Variants in ERCC6L2 observed in about 807,000 individuals in gnomAD.
The protein encoded by ERCC6L2 is ERCC excision repair 6 like 2, also known as DNA excision repair protein ERCC-6-like 2.
Under a neutral mutation model 132.0 loss-of-function variants are expected in ERCC6L2, and 77 were observed. That is an observed-to-expected ratio of 0.58 (90% CI 0.49 to 0.71). ERCC6L2 has a LOEUF of 0.71. Ranked by LOEUF, ERCC6L2 falls within the 30% of genes least tolerant of loss-of-function variation. ERCC6L2 has a pLI of 0.00. For missense variants in ERCC6L2, 1,542 were observed against 1,837.6 expected (o/e 0.84, Z 2.94); for synonymous variants, 583 against 632.4 (o/e 0.92, Z 1.17).
At chr9:95,904,056 G>GA (rs1017510826) in intron 3 of ERCC6L2, among the ~76,000 whole-genome samples, 9 of 152,104 alleles carry the variant, frequency 5.9e-5, no homozygotes, top group Admixed American at 2.6e-4. Flanking sequence ...GCAGCATACT[G>GA]AAGGAGAAAA....
At chr9:95,950,542 G>A (rs72758453) in intron 12 of ERCC6L2, among the ~76,000 whole-genome samples, 9,829 of 152,186 alleles carry the variant, frequency 0.065, 397 homozygotes, top group Non-Finnish European at 0.091. Flanking sequence ...AAAAGATGTA[G>A]ATTGGCAGAA....
intron 4 of ERCC6L2, among the ~76,000 whole-genome samples, chr9:95,913,256 C>A (rs1210368194): frequency 6.6e-6 from 1 of 152,150 alleles, no homozygotes; most frequent in Non-Finnish European, 1.5e-5. Flanking sequence ...CTTTTCTACA[C>A]ATTAATTACC....
chr9:96,022,938 C>T (rs558843541), downstream of ERCC6L2, among the ~76,000 whole-genome samples: 2 of 152,294 alleles, frequency 1.3e-5, no homozygotes, highest in East Asian at 1.9e-4. Flanking sequence ...CCACTTAGCG[C>T]GCTCTCCCGT....
At chr9:95,966,745 A>G in intron 14 of ERCC6L2, 31 bp downstream of exon 14, 1 of 1,373,106 alleles carries the variant, frequency 7.3e-7, no homozygotes, top group Non-Finnish European at 9.5e-7. Flanking sequence ...CTTTTCAATA[A>G]TATTTTAAAT....
intron 12 of ERCC6L2, among the ~76,000 whole-genome samples, chr9:95,942,550 A>C (rs1830855309): frequency 6.6e-6 from 1 of 151,962 alleles, no homozygotes; most frequent in Admixed American, 6.6e-5. Flanking sequence ...TGAAGGTCTG[A>C]AAAAAAATGG....
chr9:96,023,063 G>T (rs971308794), downstream of ERCC6L2, among the ~76,000 whole-genome samples: 1 of 152,124 alleles, frequency 6.6e-6, no homozygotes, highest in African/African-American at 2.4e-5. Context: ...AATAATTGTT[G>T]GTTGGTGAGT....
At chr9:96,001,753 G>C (rs1833688959) in intron 17 of ERCC6L2, among the ~76,000 whole-genome samples, 1 of 152,258 alleles carries the variant, frequency 6.6e-6, no homozygotes, top group South Asian at 2.1e-4. Context: ...ATGGGACTGG[G>C]CGCCGTGGAG....
rs1160363204 is a variant in ERCC6L2, at chr9:95,921,731, G to GT, written c.1299+424dup. Among the ~76,000 whole-genome samples, 8 of 151,716 alleles carry GT rather than the reference G, an allele frequency of 5.3e-5. No homozygotes were observed. In the East Asian group the frequency reaches 1.2e-3, roughly 22 times the overall value. ...ATAGAAACTGAGTATCAAAGAAAGTGTTTTTTTTAAAGAAACAAAATTTAT... is the reference window on the plus strand; with the variant it reads ...ATAGAAACTGAGTATCAAAGAAAGTGTTTTTTTTTAAAGAAACAAAATTTAT... On this transcript the variant is annotated intron_variant, in intron 7 of 18. Coordinates refer to ENST00000653738, the MANE Select transcript of ERCC6L2 (RefSeq NM_020207.7).
At chr9:95,940,230 T>C (rs1288874190) in intron 11 of ERCC6L2, among the ~76,000 whole-genome samples, 2 of 152,174 alleles carry the variant, frequency 1.3e-5, no homozygotes, top group Admixed American at 6.6e-5. Context: ...GGGCTGCAGA[T>C]TGTTCCTTGG....
chr9:96,039,940 C>T (rs989357646), intron 20 of ERCC6L2, among the ~76,000 whole-genome samples: 1 of 151,900 alleles, frequency 6.6e-6, no homozygotes, highest in African/African-American at 2.4e-5. Context: ...TGGTCCAGGC[C>T]GGGCATGGTG....
intron 18 of ERCC6L2, among the ~76,000 whole-genome samples, chr9:96,006,976 C>G (rs796442659): frequency 2.0e-5 from 3 of 152,224 alleles, no homozygotes; most frequent in African/African-American, 7.2e-5. Context: ...TTCAGTTGCT[C>G]TGTTGCAGAA....
At chr9:96,038,405 G>A (rs371860582) in intron 19 of ERCC6L2, among the ~76,000 whole-genome samples, 4 of 152,344 alleles carry the variant, frequency 2.6e-5, no homozygotes, top group African/African-American at 9.6e-5. Flanking sequence ...GCACATTGCC[G>A]CTGAGCAGGG....
chr9:96,016,153 C>T lies in ERCC6L2; in HGVS notation c.*2950C>T, dbSNP rs539757363. Among the ~76,000 whole-genome samples the T allele has an allele frequency of 6.6e-6, 1 of 152,318 alleles. No homozygotes were observed. Among genetic ancestry groups the T allele is most frequent in the South Asian group, 2.1e-4 (1 of 4,824 alleles). ...GTGGCCTCAAGCAAATCCCTTACCT[C>T]CTTTTAGCCTTAGTTTCCCCTTTAA... On this transcript the variant is annotated 3_prime_UTR_variant, in exon 19 of 19. Transcript: ENST00000653738.
intron 1 of ERCC6L2, 29 bp from the exon 2 acceptor site, chr9:95,880,840 T>G: frequency 6.4e-7 from 1 of 1,562,634 alleles, no homozygotes; most frequent in South Asian, 1.2e-5. Context: ...AAGCTAGCTT[T>G]GGAAACTTTA....
At chr9:96,026,857 AACACACCACACAGACCCC>A (rs1834377554) in intron 19 of ERCC6L2, among the ~76,000 whole-genome samples, 1 of 126,268 alleles carries the variant, frequency 7.9e-6, no homozygotes, top group Non-Finnish European at 1.7e-5. Flanking sequence ...ACACCACACA[AACACACCACACAGACCCC>A]ACACACCACA....
At chr9:95,958,432 C>G (rs1376861179) in intron 13 of ERCC6L2, among the ~76,000 whole-genome samples, 4 of 152,142 alleles carry the variant, frequency 2.6e-5, no homozygotes, top group Non-Finnish European at 5.9e-5. Context: ...AATTGCCACA[C>G]TGACTTCCAC....
At chr9:96,002,860 TTTTTCAG>T (rs143976768) in intron 17 of ERCC6L2, among the ~76,000 whole-genome samples, 2,231 of 152,332 alleles carry the variant, frequency 0.015, 57 homozygotes, top group African/African-American at 0.05. Flanking sequence ...TTCTTCCTCC[TTTTTCAG>T]TTTGAGGATT....
At position 96,017,976 on chromosome 9, in the gene ERCC6L2, TAAATC is replaced by T. The variant is rs1834216685; in HGVS notation, c.*4775_*4779del. On this transcript the variant is annotated 3_prime_UTR_variant, in exon 19 of 19. Transcript: ENST00000653738. The stretch of plus-strand genomic sequence containing the variant: ...CTTGAGGACGGTATGCAAAGTGAAA[TAAATC>T]AGACACAGAAGGACAAATACTGTAT... 6.6e-6 allele frequency among the ~76,000 whole-genome samples: 1 copy of T among 152,150 alleles called. No homozygotes were observed. The highest frequency in any genetic ancestry group is 1.5e-5 in the Non-Finnish European group (1 of 68,032).
rs775709717 is a variant in ERCC6L2, at chr9:95,973,052, C to T, written c.3301C>T (p.Gln1101Ter). 1.4e-5 allele frequency: 19 copies of T among 1,360,496 alleles called. No homozygotes were observed. The highest frequency in any genetic ancestry group is 1.9e-5 in the Non-Finnish European group (19 of 1,019,298). The allele number at this position is 1,360,496 out of a possible 1,614,324, so 84.3% of individuals were successfully genotyped here. Reference sequence around the variant, plus strand: ...ATGTTCAAATGAGAAAGTTGTTAATCAAGAGCAGTCGTATGAATCAATGGA... The same window carrying T: ...ATGTTCAAATGAGAAAGTTGTTAATTAAGAGCAGTCGTATGAATCAATGGA... ...MKCSNEKVVN[Q>*]EQSYESMDKF... The change falls in exon 16 of 19, where the codon CAA becomes TAA. Residue 1101 changes from glutamine to a stop codon, truncating the protein, a stop_gained. Transcript: ENST00000653738. LOFTEE classifies it high-confidence loss of function.
Sources: gnomAD v4.1 joint callset for allele counts (sites outside exome capture counted in the v4.1 genomes callset) on GRCh38, gnomAD v4.1.1 for gene constraint, MANE v1.5 for transcripts, NCBI Gene and HGNC (gene_info 2026-07-23, HGNC 2026-07-21) for gene names.